The following TMC2 variants were observed in gnomAD, a reference collection of about 807,000 sequenced individuals.
The protein encoded by TMC2 is transmembrane channel like 2.
TMC2 carries 102 observed loss-of-function variants against 105.9 expected under a neutral mutation model. The observed-to-expected ratio is 0.96, with a 90% CI of 0.82 to 1.14. TMC2 has a LOEUF of 1.14. Among genes scored for constraint, TMC2 ranks in the 50% most tolerant of loss-of-function variants. TMC2 has a pLI of 0.00. For missense variants in TMC2, 1,093 were observed against 1,134.3 expected, an observed-to-expected ratio of 0.96 and a Z score of 0.52; for synonymous variants, 402 against 422.8, an observed-to-expected ratio of 0.95 and a Z score of 0.60.
chr20:2,589,073 G>C (rs2086250008), intron 7 of TMC2, among the ~76,000 whole-genome samples: 1 of 151,912 alleles, frequency 6.6e-6, no homozygotes, highest in South Asian at 2.1e-4. Context: ...TGTTTTTATT[G>C]TTTAATTTTT....
chr20:2,608,968 G>A lies in TMC2; in HGVS notation c.1414-1451G>A, dbSNP rs544539134. ...AAGTGCTTAATAAATTAGAGATGGA[G>A]GAAAGACAAAGGAGAAAACTATTAA... On this transcript the variant is annotated intron_variant, in intron 11 of 19. Transcript: ENST00000358864. 3.9e-5 allele frequency among the ~76,000 whole-genome samples: 6 copies of A among 152,286 alleles called. No homozygotes were observed. The South Asian group carries it at 1.0e-3, about 26-fold the overall frequency.
intron 1 of TMC2, 24 bp from the exon 2 acceptor site, chr20:2,537,245 T>G (rs777434486): frequency 4.1e-5 from 66 of 1,592,578 alleles, no homozygotes; most frequent in Non-Finnish European, 5.3e-5. Flanking sequence ...GCCAGCCATT[T>G]GTCAGCAATC....
intron 16 of TMC2, among the ~76,000 whole-genome samples, chr20:2,618,865 G>A (rs1447387235): frequency 6.6e-6 from 1 of 152,292 alleles, no homozygotes; most frequent in South Asian, 2.1e-4. Flanking sequence ...CATGCAATGA[G>A]GTAACACCTG....
intron 10 of TMC2, among the ~76,000 whole-genome samples, chr20:2,598,535 C>T (rs1237217904): frequency 6.6e-6 from 1 of 152,022 alleles, no homozygotes; most frequent in East Asian, 1.9e-4. Context: ...CTGCTTCAGC[C>T]TCTTGAGTAG....
chr20:2,612,350 T>C lies in TMC2; in HGVS notation c.1743+10T>C. On this transcript the variant is annotated intron_variant, in intron 13 of 19. Transcript: ENST00000358864. ...GACAGCTGTGGGCATTGTGAGTAGT[T>C]ACACTCTCTAAAAAGGTGACCCCTG... 6.4e-7 allele frequency: 1 copy of C among 1,553,844 alleles called. No homozygotes were observed.
At chr20:2,591,085 A>G (rs2086264754) in intron 7 of TMC2, among the ~76,000 whole-genome samples, 1 of 151,652 alleles carries the variant, frequency 6.6e-6, no homozygotes, top group African/African-American at 2.4e-5. Flanking sequence ...TCCATTTCTG[A>G]TTTTTTTTAC....
chr20:2,583,453 C>T (rs1015170232), intron 7 of TMC2, among the ~76,000 whole-genome samples: 2 of 149,908 alleles, frequency 1.3e-5, no homozygotes, highest in African/African-American at 4.9e-5. Flanking sequence ...CAGCAACAAC[C>T]ACATAAGCAC....
At chr20:2,572,115 T>G in intron 4 of TMC2, 64 bp from the exon 5 acceptor site, 2 of 1,247,404 alleles carry the variant, frequency 1.6e-6, no homozygotes, top group Non-Finnish European at 2.3e-6. Context: ...TGAGGCTTCA[T>G]AATTCAGATT....
chr20:2,637,401 A>AAAAT, intron 18 of TMC2, 73 bp from the exon 19 acceptor site: 1 of 895,240 alleles, frequency 1.1e-6, no homozygotes, highest in East Asian at 2.5e-5. Flanking sequence ...AAAAAAAAAA[A>AAAAT]TCACTCTCAA....
At chr20:2,537,466 G>A in intron 2 of TMC2, 150 bp downstream of exon 2, 1 of 722,528 alleles carries the variant, frequency 1.4e-6, no homozygotes, top group Non-Finnish European at 2.4e-6. Context: ...GAGGCAAGGT[G>A]TTTAACATGG....
At chr20:2,580,145 A>G (rs2086179385) in intron 7 of TMC2, 89 bp downstream of exon 7, 1 of 722,438 alleles carries the variant, frequency 1.4e-6, no homozygotes, top group Non-Finnish European at 2.3e-6. Context: ...CTGTTTTACA[A>G]AGAATCAGTC....
chr20:2,612,948 A>G (rs1263157785), intron 13 of TMC2, among the ~76,000 whole-genome samples: 1 of 152,246 alleles, frequency 6.6e-6, no homozygotes, highest in African/African-American at 2.4e-5. Context: ...ATTGATATCA[A>G]TATCAACTTC....
At chr20:2,583,924 T>TG (rs1236759388) in intron 7 of TMC2, among the ~76,000 whole-genome samples, 1 of 152,126 alleles carries the variant, frequency 6.6e-6, no homozygotes, top group Non-Finnish European at 1.5e-5. Flanking sequence ...TAATTGTGTG[T>TG]TTTTTTAAGC....
intron 7 of TMC2, among the ~76,000 whole-genome samples, chr20:2,582,752 A>C (rs2086203541): frequency 6.6e-6 from 1 of 152,216 alleles, no homozygotes; most frequent in African/African-American, 2.4e-5. Context: ...TTGGGATTAC[A>C]GGCATGAGCC....
intron 5 of TMC2, among the ~76,000 whole-genome samples, chr20:2,578,499 C>T (rs1179266137): frequency 6.6e-6 from 1 of 152,158 alleles, no homozygotes. Context: ...GACAAAACAA[C>T]ACCCAGCCAT....
Position 2,558,567 on chromosome 20 carries a change from G to T in TMC2, c.194G>T (p.Ser65Ile), listed in dbSNP as rs761746044. The change falls in exon 3 of 20, where the codon AGC becomes ATC. Residue 65 changes from serine to isoleucine, a missense_variant. Physicochemically the swap from Ser to Ile is moderately radical, Grantham distance 142 (BLOSUM62 -2). Transcript: ENST00000358864. This position sits in a 1 kb window ranked among gnomAD's most constrained non-coding sequence, Gnocchi z 4.6. The stretch of plus-strand genomic sequence containing the variant: ...AAGGAGCGCGCCGGGGGCAGCCCAA[G>T]CCCGGGGTCTCCCCGGAGGAAGCAA... Reference protein sequence around the residue: ...SQKERAGGSPSPGSPRRKQTG... With the variant: ...SQKERAGGSPIPGSPRRKQTG... The T allele has an allele frequency of 2.1e-5, 32 of 1,553,152 alleles. No individual in the cohort carries two copies. The highest frequency in any genetic ancestry group is 2.8e-5 in the Non-Finnish European group (32 of 1,147,984).
chr20:2,599,692 C>T (rs775262929), intron 10 of TMC2, among the ~76,000 whole-genome samples: 1 of 152,018 alleles, frequency 6.6e-6, no homozygotes, highest in South Asian at 2.1e-4. Flanking sequence ...TCCTCCCTCC[C>T]TGGCCTCCCA....
intron 3 of TMC2, among the ~76,000 whole-genome samples, chr20:2,560,337 C>G (rs2086017200): frequency 6.6e-6 from 1 of 152,074 alleles, no homozygotes; most frequent in Non-Finnish European, 1.5e-5. Context: ...TTCTTCTTTG[C>G]TCCCCAGGAG....
chr20:2,536,592 C>T lies in TMC2; in HGVS notation c.-30C>T. On this transcript the variant is annotated 5_prime_UTR_variant, in exon 1 of 20. Coordinates refer to ENST00000358864, the MANE Select transcript of TMC2 (RefSeq NM_080751.3). ...GCATACAGGAGCACGCTGCGTGAGC[C>T]TGTGCAGGACCCCAGCAGTGCTGCT... 6 of 1,562,304 alleles carry T rather than the reference C, an allele frequency of 3.8e-6. No homozygotes were observed. Among genetic ancestry groups the T allele is most frequent in the Non-Finnish European group, 5.2e-6 (6 of 1,152,898 alleles).
Sources: gnomAD v4.1 joint callset for allele counts (sites outside exome capture counted in the v4.1 genomes callset) on GRCh38, gnomAD v4.1.1 for gene constraint, Gnocchi (gnomAD v3.1) non-coding constraint, MANE v1.5 for transcripts, NCBI Gene and HGNC (gene_info 2026-07-23, HGNC 2026-07-21) for gene names.